The following FAM13A variants were observed in gnomAD, a reference collection of about 807,000 sequenced individuals.
FAM13A encodes protein FAM13A.
A neutral mutation model predicts 129.6 loss-of-function variants in FAM13A; 76 were observed. The observed-to-expected ratio is 0.59, with a 90% confidence interval of 0.49 to 0.71. FAM13A has a LOEUF of 0.71. Ranked by LOEUF, FAM13A falls within the 30% of genes least tolerant of loss-of-function variation. The pLI is 0.00. For missense variants in FAM13A, 1,108 were observed against 1,249.3 expected (o/e 0.89, Z 1.70); for synonymous variants, 443 against 449.9 (o/e 0.98, Z 0.20).
At chr4:88,745,475 A>G (rs1741123882) in intron 19 of FAM13A, among the ~76,000 whole-genome samples, 2 of 152,226 alleles carry the variant, frequency 1.3e-5, no homozygotes, top group Non-Finnish European at 2.9e-5. Flanking sequence ...GGCCTTGGGC[A>G]TGGAAGTCCT....
At chr4:88,881,814 A>C (rs1311651499) in intron 6 of FAM13A, among the ~76,000 whole-genome samples, 1 of 152,182 alleles carries the variant, frequency 6.6e-6, no homozygotes, top group Non-Finnish European at 1.5e-5. Flanking sequence ...TGAAGGACAC[A>C]CTTAGAGAAA....
intron 3 of FAM13A, among the ~76,000 whole-genome samples, chr4:88,999,402 C>T (rs1020570210): frequency 2.0e-5 from 3 of 151,928 alleles, no homozygotes; most frequent in Non-Finnish European, 2.9e-5. Flanking sequence ...ATTTATGTAC[C>T]GAGGAGACTG....
intron 6 of FAM13A, among the ~76,000 whole-genome samples, chr4:88,901,901 G>A (rs1216943900): frequency 6.6e-6 from 1 of 151,826 alleles, no homozygotes; most frequent in Admixed American, 6.6e-5. Context: ...GAAATAATAA[G>A]GGGGATATTA....
intron 4 of FAM13A, among the ~76,000 whole-genome samples, chr4:88,961,528 C>T (rs1031150515): frequency 3.3e-5 from 5 of 151,626 alleles, no homozygotes; most frequent in Non-Finnish European, 7.4e-5. Context: ...CCACAATGCC[C>T]GGCTAATTTT....
chr4:88,743,695 A>G (rs1370100127), intron 19 of FAM13A, among the ~76,000 whole-genome samples: 1 of 152,200 alleles, frequency 6.6e-6, no homozygotes, highest in Non-Finnish European at 1.5e-5. Context: ...ATAGAGATGT[A>G]GCATTATTCT....
At chr4:89,011,469 T>C (rs759229981) in intron 3 of FAM13A, among the ~76,000 whole-genome samples, 13 of 152,216 alleles carry the variant, frequency 8.5e-5, no homozygotes, top group Non-Finnish European at 1.3e-4. Flanking sequence ...CTTCTAGATG[T>C]TCTCTCTGCA....
chr4:88,803,093 T>A (rs1296917173), intron 8 of FAM13A, among the ~76,000 whole-genome samples: 1 of 152,222 alleles, frequency 6.6e-6, no homozygotes, highest in East Asian at 1.9e-4. Flanking sequence ...CATGGCTGCT[T>A]GTGGCTGGAT....
rs572033866 is a variant in FAM13A, at chr4:88,763,897, C to T, written c.1578+3656G>A. On this transcript the variant is annotated intron_variant, in intron 13 of 23. Transcript: ENST00000264344. ...ACTCCAAAGCTTCATTAGGCTTTGG[C>T]TATTGGATTGATTTGGAAGCGAATT... Among the ~76,000 whole-genome samples the T allele has an allele frequency of 3.9e-4, 59 of 152,262 alleles. 1 individual carries two copies. The highest frequency in any genetic ancestry group is 1.4e-3 in the African/African-American group (58 of 41,560).
intron 3 of FAM13A, among the ~76,000 whole-genome samples, chr4:89,011,608 T>C (rs1765744020): frequency 6.6e-6 from 1 of 152,146 alleles, no homozygotes; most frequent in Non-Finnish European, 1.5e-5. Context: ...TTCAAGACCC[T>C]ATACCACCTA....
intron 6 of FAM13A, among the ~76,000 whole-genome samples, chr4:88,883,982 C>G (rs920643507): frequency 6.6e-6 from 1 of 151,772 alleles, no homozygotes; most frequent in Non-Finnish European, 1.5e-5. Flanking sequence ...AAACTCTGCA[C>G]AGATGAATAA....
At chr4:88,735,829 G>A (rs907942146) in intron 21 of FAM13A, among the ~76,000 whole-genome samples, 2 of 152,112 alleles carry the variant, frequency 1.3e-5, no homozygotes, top group South Asian at 2.1e-4. Flanking sequence ...TGGGCCAGGA[G>A]ATAAACCACA....
chr4:88,966,683 T>C (rs1345424965), intron 4 of FAM13A, among the ~76,000 whole-genome samples: 2 of 152,168 alleles, frequency 1.3e-5, no homozygotes, highest in Non-Finnish European at 2.9e-5. Flanking sequence ...GAATAGTCCA[T>C]AGAATAGTTC....
chr4:88,941,752 G>A (rs1470159306), intron 4 of FAM13A, among the ~76,000 whole-genome samples: 2 of 152,126 alleles, frequency 1.3e-5, no homozygotes, highest in Non-Finnish European at 2.9e-5. Flanking sequence ...TCTGGGCTCT[G>A]CTCTCTTTTG....
rs1415389787 is a variant in FAM13A at position 88,787,639 on chromosome 4, T to A, written c.1271+114A>T. On this transcript the variant is annotated intron_variant, in intron 10 of 23. Transcript: ENST00000264344. ...ATAACTCTTAAAGTTTTAACCTAAA[T>A]ACTGAAATGGGAGAGGACCAGGAGG... 3.2e-6 allele frequency: 3 copies of A among 930,906 alleles called. No homozygotes were observed. In the East Asian group the frequency reaches 7.6e-5, roughly 24 times the overall value. The allele number at this position is 930,906 out of a possible 1,614,324, so 57.7% of individuals were successfully genotyped here.
intron 1 of FAM13A, among the ~76,000 whole-genome samples, chr4:89,039,362 T>C (rs986271588): frequency 2.6e-5 from 4 of 152,206 alleles, no homozygotes; most frequent in Non-Finnish European, 5.9e-5. Context: ...TCATCATGCA[T>C]TTTACCAAAT....
At chr4:88,830,802 C>G (rs890664658) in intron 7 of FAM13A, among the ~76,000 whole-genome samples, 2 of 152,172 alleles carry the variant, frequency 1.3e-5, no homozygotes, top group African/African-American at 4.8e-5. Flanking sequence ...AAGGCCTCCA[C>G]AGCTGGAAGT....
At chr4:88,915,543 T>C (rs143516823) in intron 5 of FAM13A, among the ~76,000 whole-genome samples, 167 of 152,308 alleles carry the variant, frequency 1.1e-3, no homozygotes, top group African/African-American at 3.9e-3. Flanking sequence ...GAAACACAAT[T>C]ATAATTTTGA....
intron 6 of FAM13A, among the ~76,000 whole-genome samples, chr4:88,866,129 C>T (rs1230185072): frequency 1.3e-5 from 2 of 151,644 alleles, no homozygotes; most frequent in African/African-American, 4.8e-5. Context: ...CTTACTGAAA[C>T]CTCTGCCACC....
chr4:88,849,750 G>A (rs978509207), intron 7 of FAM13A, among the ~76,000 whole-genome samples: 1 of 152,062 alleles, frequency 6.6e-6, no homozygotes, highest in African/African-American at 2.4e-5. Context: ...CAGTCTTAAA[G>A]CAGTTCGTGG....
Sources: allele counts gnomAD v4.1 joint callset (sites outside exome capture counted in the v4.1 genomes callset), GRCh38; gene constraint gnomAD v4.1.1; transcripts MANE v1.5; gene names NCBI Gene and HGNC (gene_info 2026-07-23, HGNC 2026-07-21).